ANP32B: variants seen among roughly 807,000 people sequenced by gnomAD.
ANP32B encodes the protein acidic leucine-rich nuclear phosphoprotein 32 family member B.
ANP32B carries 6 observed loss-of-function variants against 32.2 expected under a neutral mutation model. The ratio of observed to expected loss-of-function variants is 0.19; its 90% CI spans 0.10 to 0.37. ANP32B has a LOEUF of 0.37. Ranked by LOEUF, ANP32B falls within the 10% of genes least tolerant of loss-of-function variation. The pLI is 1.00. For synonymous variants in ANP32B, 98 were observed against 105.8 expected, an observed-to-expected ratio of 0.93 and a Z score of 0.45; for missense variants, 204 against 289.2, an observed-to-expected ratio of 0.71 and a Z score of 2.14.
intron 4 of ANP32B, among the ~76,000 whole-genome samples, chr9:98,008,945 G>C (rs1828134247): frequency 6.6e-6 from 1 of 152,190 alleles, no homozygotes; most frequent in South Asian, 2.1e-4. Flanking sequence ...GTGCCAAAAA[G>C]GTTGAGGACC....
intron 4 of ANP32B, among the ~76,000 whole-genome samples, chr9:98,010,169 C>G (rs1221711523): frequency 6.6e-6 from 1 of 151,616 alleles, no homozygotes; most frequent in African/African-American, 2.4e-5. Flanking sequence ...TGAGCATTTC[C>G]TATGTGCCAG....
At chr9:97,991,083 A>C (rs995427433) in intron 1 of ANP32B, among the ~76,000 whole-genome samples, 1 of 151,060 alleles carries the variant, frequency 6.6e-6, no homozygotes, top group African/African-American at 2.4e-5. Context: ...CAGCCTCCCA[A>C]AGTGGTTGGG....
At chr9:98,006,788 A>C (rs1423041034) in intron 4 of ANP32B, among the ~76,000 whole-genome samples, 1 of 152,196 alleles carries the variant, frequency 6.6e-6, no homozygotes, top group East Asian at 1.9e-4. Flanking sequence ...CAGGAGTTCA[A>C]GACCAGCCTG....
At chr9:98,005,387 C>G (rs1426807242) in intron 4 of ANP32B, 1 of 287,040 alleles carries the variant, frequency 3.5e-6, no homozygotes, top group African/African-American at 2.3e-5. Flanking sequence ...TGGTGGCGCA[C>G]ACCTGGAGTC....
At position 98,012,224 on chromosome 9, in the gene ANP32B, T is replaced by C. The variant is rs923432240; in HGVS notation, c.637-197T>C. On this transcript the variant is annotated intron_variant, in intron 5 of 6. Transcript: ENST00000339399. ...TGCTTGCTTCTAAAAAAAATTTTTC[T>C]TAGAAAAATTATAAAGCTCGTTAAG... Among the ~76,000 whole-genome samples the C allele has an allele frequency of 7.9e-5, 12 of 152,214 alleles. 1 individual carries two copies. The highest frequency in any genetic ancestry group is 1.6e-4 in the Non-Finnish European group (11 of 68,034).
chr9:97,987,230 TCATAGTGGAAC>T (rs1263462079), intron 1 of ANP32B, among the ~76,000 whole-genome samples: 1 of 148,628 alleles, frequency 6.7e-6, no homozygotes, highest in East Asian at 1.9e-4. Context: ...GGGTATATTC[TCATAGTGGAAC>T]AAAATGGCCT....
chr9:98,000,695 G>A (rs1827975198), intron 3 of ANP32B, among the ~76,000 whole-genome samples: 2 of 151,920 alleles, frequency 1.3e-5, no homozygotes, highest in African/African-American at 4.8e-5. Context: ...AGGCCGAGGC[G>A]GGCAGATCAC....
chr9:97,994,139 A>G (rs1827870454), intron 1 of ANP32B, among the ~76,000 whole-genome samples: 1 of 152,168 alleles, frequency 6.6e-6, no homozygotes, highest in African/African-American at 2.4e-5. Context: ...TACTAAAACC[A>G]GAGTTGGAAA....
chr9:97,983,911 C>G (rs1416414781), intron 1 of ANP32B, among the ~76,000 whole-genome samples: 1 of 151,904 alleles, frequency 6.6e-6, no homozygotes, highest in African/African-American at 2.4e-5. Flanking sequence ...TGGCCGGCGG[C>G]GAGAGAGGGA....
chr9:97,985,831 CT>C (rs201092821), intron 1 of ANP32B, among the ~76,000 whole-genome samples: 13 of 149,204 alleles, frequency 8.7e-5, no homozygotes, highest in Admixed American at 2.0e-4. Context: ...TTCTGTTTTT[CT>C]TTTTTTTTTG....
chr9:98,001,192 ATT>A (rs756650846), intron 3 of ANP32B, among the ~76,000 whole-genome samples: 28 of 135,630 alleles, frequency 2.1e-4, no homozygotes, highest in Admixed American at 3.0e-4. Context: ...TTCTGGTTTA[ATT>A]TTTTTTTTTT....
intron 4 of ANP32B, 87 bp downstream of exon 4, chr9:98,005,240 C>A: frequency 1.5e-6 from 2 of 1,362,328 alleles, no homozygotes; most frequent in South Asian, 1.4e-5. Context: ...GGCGCAGTGG[C>A]ACACAACCGT....
chr9:97,996,440 G>A (rs945561286), intron 2 of ANP32B, among the ~76,000 whole-genome samples: 6 of 152,260 alleles, frequency 3.9e-5, no homozygotes, highest in South Asian at 2.1e-4. Context: ...GGGAGGGCAC[G>A]TTAAGTACAC....
chr9:97,991,286 T>C (rs1827821538), intron 1 of ANP32B, among the ~76,000 whole-genome samples: 1 of 152,042 alleles, frequency 6.6e-6, no homozygotes, highest in African/African-American at 2.4e-5. Flanking sequence ...CAGATAATTA[T>C]TTATTTTTTG....
At chr9:98,000,556 C>CT (rs1176912640) in intron 3 of ANP32B, among the ~76,000 whole-genome samples, 1 of 152,132 alleles carries the variant, frequency 6.6e-6, no homozygotes, top group Non-Finnish European at 1.5e-5. Flanking sequence ...TGACTGTCCT[C>CT]TTTTTAGAGA....
intron 2 of ANP32B, among the ~76,000 whole-genome samples, chr9:97,998,232 G>T (rs1262564641): frequency 6.6e-6 from 1 of 152,240 alleles, no homozygotes; most frequent in Admixed American, 6.5e-5. Context: ...TTTCTGGCAG[G>T]TATAGGGTAT....
At chr9:98,011,580 C>T (rs1828186546) in intron 5 of ANP32B, among the ~76,000 whole-genome samples, 191 bp downstream of exon 5, 1 of 152,204 alleles carries the variant, frequency 6.6e-6, no homozygotes, top group East Asian at 1.9e-4. Flanking sequence ...AGAATGCCTA[C>T]TGAACTCAAA....
chr9:97,996,108 A>G (rs1277537085), intron 2 of ANP32B, among the ~76,000 whole-genome samples: 1 of 152,130 alleles, frequency 6.6e-6, no homozygotes, highest in East Asian at 1.9e-4. Flanking sequence ...CTAGAGGTTC[A>G]AGTATAATTC....
In ANP32B at chr9:98,014,407, C is replaced by CA. The variant is rs1002349531; in HGVS notation, c.689-946dup. On this transcript the variant is annotated intron_variant, in intron 6 of 6. Coordinates refer to ENST00000339399, the MANE Select transcript of ANP32B (RefSeq NM_006401.3). ...TGGGCGACGGAGCCAGAGTCTGTCT[C>CA]AAAAAAAAAAACAACCTGTATGAAA... Among the ~76,000 whole-genome samples the CA allele has an allele frequency of 8.0e-3, 1,046 of 131,412 alleles. 8 individuals are homozygous for CA. The highest frequency in any genetic ancestry group is 0.022 in the African/African-American group (779 of 35,702). The allele number at this position is 131,412 out of a possible 152,430, so 86.2% of individuals were successfully genotyped here.
Sources: allele counts gnomAD v4.1 joint callset (sites outside exome capture counted in the v4.1 genomes callset), GRCh38; gene constraint gnomAD v4.1.1; transcripts MANE v1.5; gene names NCBI Gene and HGNC (gene_info 2026-07-23, HGNC 2026-07-21).